The following PAK1 variants were observed in gnomAD, a reference collection of about 807,000 sequenced individuals.
PAK1 encodes the protein p21 (RAC1) activated kinase 1.
A neutral mutation model predicts 67.4 loss-of-function variants in PAK1; 29 were observed. The observed-to-expected ratio is 0.43, with a 90% CI of 0.32 to 0.59. PAK1 has a LOEUF of 0.59. Among genes scored for constraint, PAK1 ranks in the 20% least tolerant of loss-of-function variants. The pLI is 0.07. For missense variants in PAK1, 337 were observed against 670.7 expected (o/e 0.50, Z 5.50); for synonymous variants, 223 against 237.4 (o/e 0.94, Z 0.56).
At chr11:77,472,777 CCTTCA>C (rs1362732644) in intron 1 of PAK1, among the ~76,000 whole-genome samples, 1 of 152,154 alleles carries the variant, frequency 6.6e-6, no homozygotes, top group African/African-American at 2.4e-5. Flanking sequence ...CTAACCCTTC[CCTTCA>C]CTGTTCACAG....
chr11:77,467,355 T>C (rs1021766154), intron 1 of PAK1, among the ~76,000 whole-genome samples: 11 of 152,228 alleles, frequency 7.2e-5, no homozygotes, highest in Middle Eastern at 3.2e-3. Context: ...TAATTGTCTA[T>C]GCACATGTCT....
intron 1 of PAK1, among the ~76,000 whole-genome samples, chr11:77,464,812 T>G (rs1223923011): frequency 6.6e-6 from 1 of 152,262 alleles, no homozygotes; most frequent in Non-Finnish European, 1.5e-5. Context: ...TTTAATAAAG[T>G]GATGAATATC....
At chr11:77,440,758 A>G (rs1956319039) in intron 1 of PAK1, among the ~76,000 whole-genome samples, 1 of 152,242 alleles carries the variant, frequency 6.6e-6, no homozygotes, top group Non-Finnish European at 1.5e-5. Context: ...CAAGGGAAAT[A>G]ACAATATGCA....
At chr11:77,419,715 C>A (rs1430162283) in intron 1 of PAK1, among the ~76,000 whole-genome samples, 1 of 152,186 alleles carries the variant, frequency 6.6e-6, no homozygotes, top group East Asian at 1.9e-4. Context: ...AATCTCCTGA[C>A]ACAACCAGTT....
intron 14 of PAK1, among the ~76,000 whole-genome samples, chr11:77,327,102 C>T (rs187158280): frequency 4.2e-4 from 64 of 152,108 alleles, no homozygotes; most frequent in Non-Finnish European, 2.5e-4. Flanking sequence ...TAAAAAGAAA[C>T]GAACAAAGCC....
chr11:77,389,591 G>C (rs1458566029), intron 2 of PAK1, among the ~76,000 whole-genome samples: 1 of 152,114 alleles, frequency 6.6e-6, no homozygotes, highest in African/African-American at 2.4e-5. Flanking sequence ...GTTTTGATTT[G>C]CATTTCCCTG....
intron 5 of PAK1, among the ~76,000 whole-genome samples, chr11:77,368,841 C>T (rs891540443): frequency 1.3e-5 from 2 of 151,898 alleles, no homozygotes; most frequent in African/African-American, 2.4e-5. Flanking sequence ...GTATTACAGG[C>T]GTGAGCCACC....
In PAK1 at chr11:77,323,198, T is replaced by G; in HGVS notation, c.*76A>C. 6.2e-7 allele frequency: 1 copy of G among 1,600,652 alleles called. No homozygotes were observed. The highest frequency in any genetic ancestry group is 8.5e-7 in the Non-Finnish European group (1 of 1,173,180). The stretch of plus-strand genomic sequence containing the variant: ...GAAGCAAGGCAAGGAGAAGAGGGCA[T>G]CAGGAGTTGGAATTTCTGAAATGTG... On this transcript the variant is annotated 3_prime_UTR_variant, in exon 15 of 15. Transcript: ENST00000356341.
intron 2 of PAK1, among the ~76,000 whole-genome samples, chr11:77,382,103 A>C (rs1228720357): frequency 6.6e-6 from 1 of 152,164 alleles, no homozygotes; most frequent in Non-Finnish European, 1.5e-5. Flanking sequence ...TTTATTTTCT[A>C]TATCTATGCA....
At chr11:77,346,831 T>A (rs916339587) in intron 9 of PAK1, among the ~76,000 whole-genome samples, 2 of 152,232 alleles carry the variant, frequency 1.3e-5, no homozygotes, top group Admixed American at 6.5e-5. Flanking sequence ...TCTAAGGTCA[T>A]AATCAATGCC....
chr11:77,500,364 G>A, the PAK1 span, among the ~76,000 whole-genome samples: 1 of 152,204 alleles, frequency 6.6e-6, no homozygotes, highest in African/African-American at 2.4e-5. Flanking sequence ...CTACTCAGGA[G>A]GCTGAGGCAG....
the PAK1 span, among the ~76,000 whole-genome samples, chr11:77,486,247 T>C: frequency 6.6e-6 from 1 of 151,972 alleles, no homozygotes; most frequent in Admixed American, 6.6e-5. Context: ...ATGCCTGTAA[T>C]CCTAGCACTT....
the PAK1 span, among the ~76,000 whole-genome samples, chr11:77,487,537 A>C: frequency 2.0e-5 from 3 of 151,922 alleles, no homozygotes; most frequent in Admixed American, 6.6e-5. Context: ...TGTGGATGGC[A>C]TATCTGGACC....
intron 5 of PAK1, among the ~76,000 whole-genome samples, chr11:77,369,295 T>C (rs1014767379): frequency 2.0e-5 from 3 of 152,084 alleles, no homozygotes; most frequent in African/African-American, 7.2e-5. Flanking sequence ...TTTATTTTTT[T>C]ACTCTACTGC....
chr11:77,380,606 T>C (rs1291768400), intron 2 of PAK1, among the ~76,000 whole-genome samples: 1 of 152,238 alleles, frequency 6.6e-6, no homozygotes, highest in African/African-American at 2.4e-5. Flanking sequence ...TCATCTTTTT[T>C]GTGAAGCCCT....
At chr11:77,507,298 C>A in the PAK1 span, among the ~76,000 whole-genome samples, 8 of 152,122 alleles carry the variant, frequency 5.3e-5, no homozygotes, top group Non-Finnish European at 8.8e-5. Flanking sequence ...CATCAGCAAC[C>A]AGAGCACCTT....
chr11:77,338,838 A>G (rs1186611366), intron 11 of PAK1, among the ~76,000 whole-genome samples: 1 of 152,196 alleles, frequency 6.6e-6, no homozygotes, highest in African/African-American at 2.4e-5. Flanking sequence ...AGCAAATATT[A>G]CATGATTCCA....
intron 1 of PAK1, among the ~76,000 whole-genome samples, chr11:77,466,550 C>G (rs1957605580): frequency 6.6e-6 from 1 of 151,942 alleles, no homozygotes; most frequent in Non-Finnish European, 1.5e-5. Context: ...TTGCGGTGAG[C>G]CGACATCGCA....
Position 77,437,449 on chromosome 11 carries a change from G to C in PAK1, c.-22+36103C>G, listed in dbSNP as rs576280328. ...CTGGTACACAGTGAGTGCTAAATAAGATTATAATAATATTATTAATTTTAT... is the reference window on the plus strand; with the variant it reads ...CTGGTACACAGTGAGTGCTAAATAACATTATAATAATATTATTAATTTTAT... On this transcript the variant is annotated intron_variant, in intron 1 of 14. Coordinates refer to ENST00000356341, the MANE Select transcript of PAK1 (RefSeq NM_002576.5). Among the ~76,000 whole-genome samples, 87 of 152,236 alleles carry C rather than the reference G, an allele frequency of 5.7e-4. 1 individual carries two copies. The highest frequency in any genetic ancestry group is 1.0e-3 in the Non-Finnish European group (70 of 68,026).
Sources: gnomAD v4.1 joint callset for allele counts (sites outside exome capture counted in the v4.1 genomes callset) on GRCh38, gnomAD v4.1.1 for gene constraint, MANE v1.5 for transcripts, NCBI Gene and HGNC (gene_info 2026-07-23, HGNC 2026-07-21) for gene names.